Variants in ANKRD28 observed in about 807,000 individuals in gnomAD.
ANKRD28 encodes ankyrin repeat domain 28, also known as serine/threonine-protein phosphatase 6 regulatory ankyrin repeat subunit A.
ANKRD28 carries 44 observed loss-of-function variants against 126.5 expected under a neutral mutation model. That is an observed-to-expected ratio of 0.35 (90% CI 0.27 to 0.45). The LOEUF is 0.45. ANKRD28 is among the 20% of genes least tolerant of loss of function. The pLI is 1.00. For synonymous variants in ANKRD28, 442 were observed against 468.5 expected (o/e 0.94, Z 0.73); for missense variants, 1,110 against 1,316.6 (o/e 0.84, Z 2.43).
At chr3:15,787,040 C>T (rs1438748850) in intron 2 of ANKRD28, among the ~76,000 whole-genome samples, 1 of 151,888 alleles carries the variant, frequency 6.6e-6, no homozygotes, top group Non-Finnish European at 1.5e-5. Flanking sequence ...TTAATAATAA[C>T]CCAAATGCCC....
intron 3 of ANKRD28, among the ~76,000 whole-genome samples, chr3:15,754,682 G>A (rs1419657389): frequency 1.3e-5 from 2 of 152,162 alleles, no homozygotes; most frequent in African/African-American, 4.8e-5. Context: ...TGCTTAATAT[G>A]CATAAAGAAA....
chr3:15,713,773 A>G (rs1476321878), intron 9 of ANKRD28, 132 bp from the exon 10 acceptor site: 5 of 498,120 alleles, frequency 1.0e-5, no homozygotes, highest in African/African-American at 2.0e-5. Flanking sequence ...GATTTCATTC[A>G]TAGCTCATTT....
chr3:15,713,209 T>TA (rs1453913135), intron 10 of ANKRD28, among the ~76,000 whole-genome samples: 4 of 152,104 alleles, frequency 2.6e-5, no homozygotes, highest in African/African-American at 9.7e-5. Flanking sequence ...ATCTGGCACA[T>TA]ACAGCTTTCT....
intron 1 of ANKRD28, among the ~76,000 whole-genome samples, chr3:15,803,609 C>T (rs1478531903): frequency 1.5e-5 from 2 of 134,270 alleles, no homozygotes; most frequent in African/African-American, 3.2e-5. Context: ...GAGCGAGACT[C>T]CATTTAAAAA....
At chr3:15,717,707 G>T (rs2073234100) in intron 8 of ANKRD28, among the ~76,000 whole-genome samples, 1 of 152,096 alleles carries the variant, frequency 6.6e-6, no homozygotes, top group Admixed American at 6.5e-5. Context: ...TATTCTTAAA[G>T]AACAATGTGG....
intron 7 of ANKRD28, 70 bp from the exon 8 acceptor site, chr3:15,721,197 G>A: frequency 2.2e-6 from 3 of 1,346,104 alleles, no homozygotes; most frequent in African/African-American, 1.5e-5. Context: ...AGCTATTTTA[G>A]CAACCTGTGG....
intron 6 of ANKRD28, among the ~76,000 whole-genome samples, chr3:15,725,496 T>C (rs1031274373): frequency 2.0e-5 from 3 of 152,252 alleles, no homozygotes; most frequent in Admixed American, 6.5e-5. Flanking sequence ...CTTTGCTTTA[T>C]TGTGCTTTGC....
Position 15,752,992 on chromosome 3 carries a change from A to C in ANKRD28, c.281-1172T>G, listed in dbSNP as rs374731000. On this transcript the variant is annotated intron_variant, in intron 3 of 27. Transcript: ENST00000683139. ...GAGGTAGACTTTAAAGCCTTGAAAAATGAGAGAAAATAAATGAAATGGAGG... is the reference window on the plus strand; with the variant it reads ...GAGGTAGACTTTAAAGCCTTGAAAACTGAGAGAAAATAAATGAAATGGAGG... Among the ~76,000 whole-genome samples, 12 of 152,314 alleles carry C rather than the reference A, an allele frequency of 7.9e-5. No individual in the cohort carries two copies. The East Asian group carries it at 2.3e-3, about 29-fold the overall frequency.
chr3:15,723,369 G>A (rs2073922279), intron 7 of ANKRD28, among the ~76,000 whole-genome samples: 1 of 152,208 alleles, frequency 6.6e-6, no homozygotes. Context: ...GATCTAAACT[G>A]TATCCCTCTA....
intron 3 of ANKRD28, among the ~76,000 whole-genome samples, chr3:15,753,483 A>C (rs1280891959): frequency 1.3e-5 from 2 of 152,234 alleles, no homozygotes; most frequent in Non-Finnish European, 2.9e-5. Flanking sequence ...GTTTATATTT[A>C]TGTGCACATG....
chr3:15,852,704 G>C (rs1158255181), intron 1 of ANKRD28, among the ~76,000 whole-genome samples: 1 of 151,650 alleles, frequency 6.6e-6, no homozygotes, highest in South Asian at 2.1e-4. Context: ...ATGGTGGCGG[G>C]TGCCTGTAAT....
intron 1 of ANKRD28, among the ~76,000 whole-genome samples, chr3:15,837,710 T>C (rs2061353059): frequency 6.6e-6 from 1 of 151,760 alleles, no homozygotes; most frequent in East Asian, 1.9e-4. Context: ...TCAAGTGAGC[T>C]TCAACCTTAA....
At chr3:15,688,338 G>A (rs1433775060) in intron 18 of ANKRD28, among the ~76,000 whole-genome samples, 3 of 152,154 alleles carry the variant, frequency 2.0e-5, no homozygotes, top group African/African-American at 7.2e-5. Flanking sequence ...GTTGCCTAGA[G>A]TGCAATGAAA....
chr3:15,854,732 G>C lies in ANKRD28; in HGVS notation c.27+4645C>G, dbSNP rs1436937240. ...TAGAGATGGTAGCTACTTCACCCTT[G>C]TGTCCCCTGTCATCTCCAGCACAAA... On this transcript the variant is annotated intron_variant, in intron 1 of 27. Transcript: ENST00000399451. This position sits in a 1 kb window ranked among gnomAD's most constrained non-coding sequence, Gnocchi z 4.1. Among the ~76,000 whole-genome samples the C allele has an allele frequency of 6.6e-6, 1 of 151,192 alleles. No homozygotes were observed. Among genetic ancestry groups the C allele is most frequent in the African/African-American group, 2.4e-5 (1 of 41,068 alleles).
chr3:15,709,633 A>T (rs1559380289), intron 13 of ANKRD28, 35 bp downstream of exon 13: 1 of 1,440,388 alleles, frequency 6.9e-7, no homozygotes, highest in Non-Finnish European at 9.4e-7. Context: ...ATTAAGTAAA[A>T]ATAGGCTCCA....
At chr3:15,858,232 G>A (rs1282150287) in intron 1 of ANKRD28, among the ~76,000 whole-genome samples, 4 of 152,192 alleles carry the variant, frequency 2.6e-5, no homozygotes, top group Non-Finnish European at 5.9e-5. Context: ...GGACAGAACA[G>A]TTGTATAATT....
In ANKRD28 at chr3:15,713,583, C is replaced by A. The variant is rs776103250; in HGVS notation, c.1134G>T (p.Arg378=). 1.2e-6 allele frequency: 2 copies of A among 1,611,246 alleles called. No homozygotes were observed. Among genetic ancestry groups the A allele is most frequent in the South Asian group, 2.2e-5 (2 of 90,632 alleles). ...TGTTGATCAGCAGCTCATGGCCATA[C>A]CGTGCTGCTATGTGCAAAGGGGTAT... is the stretch of plus-strand genomic sequence containing the variant. ...NGNTPLHIAA[R]YGHELLINTL... The change falls in exon 10 of 28, where the codon CGG becomes CGT. Residue 378 remains arginine (R), a synonymous_variant. Transcript: ENST00000683139.
intron 1 of ANKRD28, among the ~76,000 whole-genome samples, chr3:15,855,472 T>C (rs1020880103): frequency 6.6e-6 from 1 of 152,196 alleles, no homozygotes; most frequent in African/African-American, 2.4e-5. Context: ...TTAGTACTGC[T>C]GCAAACAAAG....
At chr3:15,782,390 G>T (rs1431528584) in intron 2 of ANKRD28, among the ~76,000 whole-genome samples, 1 of 152,038 alleles carries the variant, frequency 6.6e-6, no homozygotes, top group Non-Finnish European at 1.5e-5. Flanking sequence ...TCTGACAAAA[G>T]ACATTTATAA....
Sources: gnomAD v4.1 joint callset for allele counts (sites outside exome capture counted in the v4.1 genomes callset) on GRCh38, gnomAD v4.1.1 for gene constraint, Gnocchi (gnomAD v3.1) non-coding constraint, MANE v1.5 for transcripts, NCBI Gene and HGNC (gene_info 2026-07-23, HGNC 2026-07-21) for gene names.